PCDHGA8: variants seen among roughly 807,000 people sequenced by gnomAD.
PCDHGA8 encodes the protein protocadherin gamma subfamily A, 8.
A neutral mutation model predicts 59.2 loss-of-function variants in PCDHGA8; 45 were observed. The ratio of observed to expected loss-of-function variants is 0.76; its 90% CI spans 0.60 to 0.98. The LOEUF (loss-of-function observed/expected upper bound fraction) is 0.98. Among genes scored for constraint, PCDHGA8 ranks in the 50% least tolerant of loss-of-function variants. The probability of loss-of-function intolerance (pLI) is 0.00; values close to 1 mark genes in which losing one functional copy is unlikely to be tolerated. For missense variants in PCDHGA8, 1,257 were observed against 1,196.2 expected (o/e 1.05, Z -0.75); for synonymous variants, 531 against 519.0 (o/e 1.02, Z -0.32).
At position 141,393,739 on chromosome 5, in the gene PCDHGA8, A is replaced by G. The variant is rs1589203711; in HGVS notation, c.926A>G (p.Tyr309Cys). 1 of 1,613,800 alleles carries G rather than the reference A, an allele frequency of 6.2e-7. No homozygotes were observed. The highest frequency in any genetic ancestry group is 8.5e-7 in the Non-Finnish European group (1 of 1,179,892). ...GEISIAKSLDYEECSFYEMEI... is the reference protein window; with the variant it reads ...GEISIAKSLDCEECSFYEMEI... Reference sequence around the variant, plus strand: ...ATATCAATAGCAAAAAGTCTAGATTATGAAGAATGTTCATTTTATGAAATG... The same window carrying G: ...ATATCAATAGCAAAAAGTCTAGATTGTGAAGAATGTTCATTTTATGAAATG... The change falls in exon 1 of 4, where the codon TAT becomes TGT. Residue 309 changes from tyrosine (Y) to cysteine (C), a missense_variant. Coordinates refer to ENST00000398604, the MANE Select transcript of PCDHGA8 (RefSeq NM_032088.2).
rs374181150 is a variant in PCDHGA8, at chr5:141,477,134, G to C, written c.2425-17673G>C. The C allele has an allele frequency of 2.5e-5, 41 of 1,614,092 alleles. No homozygotes were observed. Among genetic ancestry groups the C allele is most frequent in the Non-Finnish European group, 3.4e-5 (40 of 1,180,056 alleles). ...CGAAGGAGCACATTGCAAAGTGTTG[G>C]TGGAGGTTGTGGATGTGAATGACAA... is the stretch of plus-strand genomic sequence containing the variant. On this transcript the variant is annotated intron_variant, in intron 1 of 3. Coordinates refer to ENST00000398604, the MANE Select transcript of PCDHGA8 (RefSeq NM_032088.2). The surrounding 1 kb of genome is among the most constrained non-coding windows in gnomAD (Gnocchi z 4.9).
intron 1 of PCDHGA8, chr5:141,424,133 T>C: frequency 2.2e-6 from 1 of 450,350 alleles, no homozygotes; most frequent in South Asian, 9.6e-5. Flanking sequence ...GTTGATTTAA[T>C]AGCATGCTCC....
chr5:141,417,663 C>T (rs2096144136), intron 1 of PCDHGA8: 8 of 901,900 alleles, frequency 8.9e-6, no homozygotes, highest in Non-Finnish European at 1.3e-5. Flanking sequence ...CCTGGGATTC[C>T]CTGCGCAGCC....
Position 141,407,977 on chromosome 5 carries a change from G to T in PCDHGA8, c.2424+12740G>T, listed in dbSNP as rs943554200. ...GTGCAGAGCAAGCGCTGACGCCGGG[G>T]ATCCGTCAGCCTCTGGCCTGGGATT... On this transcript the variant is annotated intron_variant, in intron 1 of 3. Coordinates refer to ENST00000398604, the MANE Select transcript of PCDHGA8 (RefSeq NM_032088.2). 65 of 747,656 alleles carry T rather than the reference G, an allele frequency of 8.7e-5. No individual in the cohort carries two copies. The African/African-American group carries it at 1.0e-3, about 12-fold the overall frequency. The allele number at this position is 747,656 out of a possible 1,614,324, so 46.3% of individuals were successfully genotyped here. A position where few individuals can be genotyped will look rare whatever the true frequency, so the allele number is the denominator to read the frequency against.
At chr5:141,482,530 C>CAAAAAAAAAAAA (rs3074545) in intron 1 of PCDHGA8, among the ~76,000 whole-genome samples, 11 of 76,552 alleles carry the variant, frequency 1.4e-4, no homozygotes, top group African/African-American at 2.9e-4. Flanking sequence ...GACAGACATG[C>CAAAAAAAAAAAA]AAAAAAAAAA....
chr5:141,490,346 T>A lies in PCDHGA8; in HGVS notation c.2425-4461T>A. On this transcript the variant is annotated intron_variant, in intron 1 of 3. Coordinates refer to ENST00000398604, the MANE Select transcript of PCDHGA8 (RefSeq NM_032088.2). This position sits in a 1 kb window ranked among gnomAD's most constrained non-coding sequence, Gnocchi z 5.4. ...GAGAGCACACCAGTGGGCACAGTAG[T>A]GGGGTTGTTTAATGTGCGAGACCGG... The A allele has an allele frequency of 6.2e-7, 1 of 1,614,164 alleles. No individual in the cohort carries two copies. The highest frequency in any genetic ancestry group is 8.5e-7 in the Non-Finnish European group (1 of 1,180,020).
intron 1 of PCDHGA8, chr5:141,400,592 G>A: frequency 3.7e-6 from 6 of 1,603,194 alleles, no homozygotes; most frequent in Non-Finnish European, 5.1e-6. Flanking sequence ...TGAAACTATC[G>A]TACATTTTCA....
chr5:141,432,335 C>T lies in PCDHGA8; in HGVS notation c.2424+37098C>T, dbSNP rs146691720. On this transcript the variant is annotated intron_variant, in intron 1 of 3. Coordinates refer to ENST00000398604, the MANE Select transcript of PCDHGA8 (RefSeq NM_032088.2). This position sits in a 1 kb window ranked among gnomAD's most constrained non-coding sequence, Gnocchi z 6.0. ...GAGCTCCTTCGACTACGAGCAGTTC[C>T]GAGACTTGCAAGTGAAAGTGATGGC... 2.6e-5 allele frequency: 42 copies of T among 1,614,126 alleles called. No individual in the cohort carries two copies. Among genetic ancestry groups the T allele is most frequent in the African/African-American group, 1.2e-4 (9 of 74,940 alleles).
intron 1 of PCDHGA8, among the ~76,000 whole-genome samples, chr5:141,460,628 G>C (rs2098993821): frequency 6.6e-6 from 1 of 151,958 alleles, no homozygotes; most frequent in African/African-American, 2.4e-5. Flanking sequence ...GACAGATACA[G>C]ATATATAACT....
At chr5:141,460,035 A>G (rs1246945474) in intron 1 of PCDHGA8, among the ~76,000 whole-genome samples, 1 of 152,140 alleles carries the variant, frequency 6.6e-6, no homozygotes, top group Non-Finnish European at 1.5e-5. Context: ...CCGAGACTGC[A>G]CCACTGCACT....
chr5:141,461,286 C>T (rs2099012487), intron 1 of PCDHGA8, among the ~76,000 whole-genome samples: 1 of 152,144 alleles, frequency 6.6e-6, no homozygotes, highest in Admixed American at 6.6e-5. Context: ...TTCCCCACAT[C>T]CACACCAACA....
intron 2 of PCDHGA8, among the ~76,000 whole-genome samples, chr5:141,495,922 C>G (rs1263216717): frequency 6.6e-6 from 1 of 152,100 alleles, no homozygotes; most frequent in Non-Finnish European, 1.5e-5. Context: ...CTTTCTTTGT[C>G]TCTGTCTCTG....
chr5:141,414,437 C>T (rs1422750138), intron 1 of PCDHGA8: 1 of 1,613,856 alleles, frequency 6.2e-7, no homozygotes, highest in Non-Finnish European at 8.5e-7. Flanking sequence ...CAGGTATCCT[C>T]TTACAATATC....
intron 1 of PCDHGA8, among the ~76,000 whole-genome samples, chr5:141,401,296 C>G (rs2094138441): frequency 6.6e-6 from 1 of 152,104 alleles, no homozygotes; most frequent in African/African-American, 2.4e-5. Flanking sequence ...GAGCCGAGAT[C>G]ACTCCATTGC....
chr5:141,400,076 T>C, intron 1 of PCDHGA8: 2 of 1,613,932 alleles, frequency 1.2e-6, no homozygotes, highest in Non-Finnish European at 1.7e-6. Context: ...CAGCCGCCAC[T>C]CTCCGCCACC....
At chr5:141,452,082 T>C (rs924362905) in intron 1 of PCDHGA8, among the ~76,000 whole-genome samples, 6 of 152,358 alleles carry the variant, frequency 3.9e-5, no homozygotes, top group Admixed American at 6.5e-5. Flanking sequence ...GTTGGCATTA[T>C]ACAGTAAGAA....
chr5:141,459,574 T>G (rs1163443021), intron 1 of PCDHGA8, among the ~76,000 whole-genome samples: 6 of 152,226 alleles, frequency 3.9e-5, no homozygotes, highest in African/African-American at 1.4e-4. Flanking sequence ...AAAACAGAAT[T>G]GTTTTGGGGG....
At position 141,489,562 on chromosome 5, in the gene PCDHGA8, G is replaced by A. The variant is rs770734883; in HGVS notation, c.2425-5245G>A. ...CACCAGCTGCCTGCTGCCAGTGCAG[G>A]TGGTGACTGAACACCCCCTGGAGCT... On this transcript the variant is annotated intron_variant, in intron 1 of 3. Coordinates refer to ENST00000398604, the MANE Select transcript of PCDHGA8 (RefSeq NM_032088.2). The surrounding 1 kb of genome is among the most constrained non-coding windows in gnomAD (Gnocchi z 4.5). 2 of 1,614,114 alleles carry A rather than the reference G, an allele frequency of 1.2e-6. No homozygotes were observed. Among genetic ancestry groups the A allele is most frequent in the Non-Finnish European group, 1.7e-6 (2 of 1,180,028 alleles).
rs532725430 is a variant in PCDHGA8, at chr5:141,429,107, G to A, written c.2424+33870G>A. On this transcript the variant is annotated intron_variant, in intron 1 of 3. Transcript: ENST00000398604. ...CTGACCTCGTGATCTGCCCGCCTCG[G>A]CCTCCCAAAGTGCTGGGATTATAGG... The A allele has an allele frequency of 3.8e-3, 579 of 152,026 alleles. 5 individuals are homozygous for A. Among genetic ancestry groups the A allele is most frequent in the Admixed American group, 0.011 (166 of 15,232 alleles). The allele number at this position is 152,026 out of a possible 1,614,324, so 9.4% of individuals were successfully genotyped here. A position where few individuals can be genotyped will look rare whatever the true frequency, so the allele number is the denominator to read the frequency against.
Sources: allele counts gnomAD v4.1 joint callset (sites outside exome capture counted in the v4.1 genomes callset), GRCh38; gene constraint gnomAD v4.1.1; non-coding constraint Gnocchi (gnomAD v3.1); transcripts MANE v1.5; gene names NCBI Gene and HGNC (gene_info 2026-07-23, HGNC 2026-07-21).